STPG2: variants seen among roughly 807,000 people sequenced by gnomAD.
STPG2 encodes sperm-tail PG-rich repeat-containing protein 2.
In STPG2, 56 loss-of-function variants were observed where a neutral mutation model predicts 54.2. The ratio of observed to expected loss-of-function variants is 1.03; its 90% CI spans 0.83 to 1.29. The LOEUF (loss-of-function observed/expected upper bound fraction) is 1.29. Among genes scored for constraint, STPG2 ranks in the 50% most tolerant of loss-of-function variants. The probability of loss-of-function intolerance (pLI) is 0.00; values close to 1 mark genes in which losing one functional copy is unlikely to be tolerated. For missense variants in STPG2, 596 were observed against 544.9 expected (o/e 1.09, Z -0.93); for synonymous variants, 200 against 181.8 (o/e 1.10, Z -0.81).
intron 9 of STPG2, among the ~76,000 whole-genome samples, chr4:97,766,337 G>A (rs1726051789): frequency 1.3e-5 from 2 of 151,836 alleles, no homozygotes; most frequent in Non-Finnish European, 2.9e-5. Flanking sequence ...ACTGGATGTG[G>A]CAATCAAATA....
At chr4:97,912,359 T>C (rs1333802399) in intron 8 of STPG2, among the ~76,000 whole-genome samples, 3 of 152,126 alleles carry the variant, frequency 2.0e-5, no homozygotes, top group Non-Finnish European at 4.4e-5. Flanking sequence ...AGGTGGATAA[T>C]AATTAACTTG....
At chr4:97,544,570 C>G (rs947061222) in intron 4 of STPG2, among the ~76,000 whole-genome samples, 3 of 151,824 alleles carry the variant, frequency 2.0e-5, no homozygotes, top group Admixed American at 6.6e-5. Context: ...TAAAGAAAAT[C>G]ATATAAAAAT....
chr4:97,812,845 A>G (rs1447900914), intron 9 of STPG2, among the ~76,000 whole-genome samples: 1 of 152,188 alleles, frequency 6.6e-6, no homozygotes. Context: ...ATATGTTCAA[A>G]TAACTACTTA....
chr4:97,967,379 C>G (rs1734143368), intron 7 of STPG2, among the ~76,000 whole-genome samples: 1 of 151,416 alleles, frequency 6.6e-6, no homozygotes. Context: ...TCCTTAGAGA[C>G]CTACATTAGA....
At chr4:98,142,666 GAGGC>G (rs1553946055) in intron 1 of STPG2, among the ~76,000 whole-genome samples, 1 of 152,156 alleles carries the variant, frequency 6.6e-6, no homozygotes, top group Non-Finnish European at 1.5e-5. Flanking sequence ...GGAAAGATGT[GAGGC>G]AGGCAGGATT....
At chr4:98,090,505 G>A (rs1004932890) in intron 5 of STPG2, among the ~76,000 whole-genome samples, 3 of 151,892 alleles carry the variant, frequency 2.0e-5, no homozygotes, top group Non-Finnish European at 4.4e-5. Flanking sequence ...TTCCAGATTT[G>A]TTCTTTTTGC....
At chr4:98,099,735 TA>T (rs1242518066) in intron 5 of STPG2, among the ~76,000 whole-genome samples, 11 of 152,140 alleles carry the variant, frequency 7.2e-5, no homozygotes, top group Non-Finnish European at 5.9e-5. Flanking sequence ...ATGTACCCCA[TA>T]AAAATATATA....
intron 7 of STPG2, among the ~76,000 whole-genome samples, chr4:97,970,503 C>T (rs1337929685): frequency 2.0e-5 from 3 of 152,140 alleles, no homozygotes; most frequent in Non-Finnish European, 4.4e-5. Flanking sequence ...AGAAATAACA[C>T]CACACATCTA....
At chr4:97,900,814 CT>C (rs1184809719) in intron 8 of STPG2, among the ~76,000 whole-genome samples, 1 of 151,952 alleles carries the variant, frequency 6.6e-6, no homozygotes, top group Non-Finnish European at 1.5e-5. Flanking sequence ...GAAAAGATAA[CT>C]GTTGGGTATT....
chr4:98,018,794 T>C (rs1736064209), intron 5 of STPG2, among the ~76,000 whole-genome samples: 1 of 152,040 alleles, frequency 6.6e-6, no homozygotes, highest in African/African-American at 2.4e-5. Context: ...TTTCATGTGT[T>C]TTTTGGCTGC....
chr4:97,526,304 T>A (rs1369921438), intron 4 of STPG2, among the ~76,000 whole-genome samples: 1 of 152,082 alleles, frequency 6.6e-6, no homozygotes, highest in Non-Finnish European at 1.5e-5. Flanking sequence ...TTAAAGTTTG[T>A]ATTTCAACTA....
intron 9 of STPG2, among the ~76,000 whole-genome samples, chr4:97,776,709 A>G (rs569987791): frequency 2.0e-5 from 3 of 152,320 alleles, no homozygotes; most frequent in South Asian, 2.1e-4. Context: ...GGAAAGACAA[A>G]TATTCTTAAA....
chr4:97,615,661 A>G (rs187151438), intron 10 of STPG2, among the ~76,000 whole-genome samples: 2 of 152,048 alleles, frequency 1.3e-5, no homozygotes, highest in African/African-American at 2.4e-5. Context: ...TTTTACCGAT[A>G]TATCAATTGT....
intron 9 of STPG2, among the ~76,000 whole-genome samples, chr4:97,835,717 C>T (rs1185973676): frequency 6.6e-6 from 1 of 152,058 alleles, no homozygotes; most frequent in Admixed American, 6.6e-5. Context: ...AAATTTAAAA[C>T]CTTCTGGAAA....
intron 10 of STPG2, among the ~76,000 whole-genome samples, chr4:97,664,135 C>T (rs1722454188): frequency 6.6e-6 from 1 of 152,170 alleles, no homozygotes; most frequent in East Asian, 1.9e-4. Context: ...TATAGCAGTC[C>T]TTGTTTTCCA....
chr4:97,512,974 A>G (rs1036725636), intron 4 of STPG2, among the ~76,000 whole-genome samples: 5 of 152,012 alleles, frequency 3.3e-5, no homozygotes, highest in African/African-American at 1.2e-4. Flanking sequence ...TCCACAGGTT[A>G]AGGGCTTAGT....
chr4:97,644,908 C>T (rs755748380), intron 10 of STPG2, among the ~76,000 whole-genome samples: 92 of 152,056 alleles, frequency 6.1e-4, no homozygotes, highest in Non-Finnish European at 2.5e-4. Flanking sequence ...TTGTCAGTGA[C>T]AACACTAGAT....
intron 10 of STPG2, among the ~76,000 whole-genome samples, chr4:97,704,380 A>C (rs1723879089): frequency 6.6e-6 from 1 of 152,148 alleles, no homozygotes; most frequent in South Asian, 2.1e-4. Flanking sequence ...GATTCCTCTC[A>C]ACACAACCCA....
At chr4:97,728,681 GA>G (rs762428858) in intron 9 of STPG2, among the ~76,000 whole-genome samples, 122 of 143,840 alleles carry the variant, frequency 8.5e-4, no homozygotes, top group Middle Eastern at 3.6e-3. Context: ...CAGAGCTGAG[GA>G]AAAAAAAAAA....
Sources: gnomAD v4.1 joint callset for allele counts (sites outside exome capture counted in the v4.1 genomes callset) on GRCh38, gnomAD v4.1.1 for gene constraint, MANE v1.5 for transcripts, NCBI Gene and HGNC (gene_info 2026-07-23, HGNC 2026-07-21) for gene names.